Variants in LCORL observed in about 807,000 individuals in gnomAD.
LCORL encodes ligand-dependent nuclear receptor corepressor-like protein.
A neutral mutation model predicts 141.8 loss-of-function variants in LCORL; 41 were observed. The ratio of observed to expected loss-of-function variants is 0.29; its 90% CI spans 0.23 to 0.38. The LOEUF (loss-of-function observed/expected upper bound fraction) is 0.38. LCORL is among the 10% of genes least tolerant of loss of function. LCORL has a pLI of 1.00. For synonymous variants in LCORL, 618 were observed against 694.1 expected, an observed-to-expected ratio of 0.89 and a Z score of 1.72; for missense variants, 1,759 against 2,035.0, an observed-to-expected ratio of 0.86 and a Z score of 2.61.
intron 4 of LCORL, among the ~76,000 whole-genome samples, chr4:17,920,756 C>T (rs1336109214): frequency 6.6e-6 from 1 of 152,208 alleles, no homozygotes; most frequent in African/African-American, 2.4e-5. Flanking sequence ...AGTAAATTCC[C>T]TCTCAGGAAA....
intron 4 of LCORL, among the ~76,000 whole-genome samples, chr4:17,943,886 T>C (rs955950618): frequency 1.3e-5 from 2 of 152,174 alleles, no homozygotes; most frequent in Admixed American, 1.3e-4. Context: ...GCCAGACCCA[T>C]TATATACTTC....
chr4:17,921,274 C>A (rs981378026), intron 4 of LCORL, among the ~76,000 whole-genome samples: 2 of 152,098 alleles, frequency 1.3e-5, no homozygotes, highest in African/African-American at 4.8e-5. Flanking sequence ...GATCTGCCCC[C>A]ACCTTGGCCT....
chr4:18,008,843 A>G (rs936628003), intron 1 of LCORL, among the ~76,000 whole-genome samples: 3 of 152,166 alleles, frequency 2.0e-5, no homozygotes, highest in Admixed American at 6.5e-5. Context: ...TACGTAGACT[A>G]ATGACACTGT....
intron 7 of LCORL, among the ~76,000 whole-genome samples, chr4:17,864,561 T>C (rs73098805): frequency 0.024 from 3,675 of 152,186 alleles, 151 homozygotes; most frequent in African/African-American, 0.083. Flanking sequence ...CACACTGTAT[T>C]GATCCAAAAG....
chr4:17,865,348 T>C (rs919360089), intron 7 of LCORL, among the ~76,000 whole-genome samples: 2 of 152,164 alleles, frequency 1.3e-5, no homozygotes, highest in Non-Finnish European at 2.9e-5. Flanking sequence ...GAAAAATCCC[T>C]AAATATTTGG....
intron 4 of LCORL, among the ~76,000 whole-genome samples, chr4:17,940,612 T>C (rs1434575433): frequency 6.6e-6 from 1 of 151,360 alleles, no homozygotes; most frequent in African/African-American, 2.4e-5. Context: ...AAAAAATAAT[T>C]AAAGATATGA....
intron 1 of LCORL, among the ~76,000 whole-genome samples, chr4:18,013,193 C>T (rs1724078163): frequency 6.6e-6 from 1 of 152,132 alleles, no homozygotes. Context: ...ATACCACTCC[C>T]TCCTGGTTTT....
At chr4:17,852,074 A>T (rs913794358) in intron 7 of LCORL, among the ~76,000 whole-genome samples, 2 of 152,054 alleles carry the variant, frequency 1.3e-5, no homozygotes, top group Non-Finnish European at 2.9e-5. Context: ...TTATTAGTTT[A>T]TATCTCTTAT....
In LCORL at chr4:17,998,964, C is replaced by CAAAAAAAAAA. The variant is rs775544332; in HGVS notation, c.154+22624_154+22633dup. 1.6e-4 allele frequency among the ~76,000 whole-genome samples: 7 copies of CAAAAAAAAAA among 44,820 alleles called. 1 individual carries two copies. The highest frequency in any genetic ancestry group is 6.9e-4 in the African/African-American group (7 of 10,180). 29.4% of individuals were successfully genotyped at this position (44,820 alleles called of 152,430 possible). On this transcript the variant is annotated intron_variant, in intron 1 of 7. Transcript: ENST00000635767. Reference sequence around the variant, plus strand: ...TGGGTGACAGAGTGAGACCCTGTCTCAAAAAAAAAAAAAAAAAAAAAATAT... The same window carrying CAAAAAAAAAA: ...TGGGTGACAGAGTGAGACCCTGTCTCAAAAAAAAAAAAAAAAAAAAAAAAAAAAAAAATAT...
At chr4:17,904,121 T>G (rs1731276756) in intron 5 of LCORL, among the ~76,000 whole-genome samples, 2 of 152,038 alleles carry the variant, frequency 1.3e-5, no homozygotes, top group Admixed American at 6.6e-5. Flanking sequence ...TGTCAAAGAT[T>G]TTTGGTAAAT....
chr4:17,949,621 T>C (rs893088116), intron 4 of LCORL, among the ~76,000 whole-genome samples: 1 of 152,164 alleles, frequency 6.6e-6, no homozygotes, highest in African/African-American at 2.4e-5. Flanking sequence ...GTTATCACTA[T>C]TGTAAAGCCT....
At chr4:17,998,690 G>A (rs997306487) in intron 1 of LCORL, among the ~76,000 whole-genome samples, 7 of 151,736 alleles carry the variant, frequency 4.6e-5, no homozygotes, top group East Asian at 3.9e-4. Context: ...GTACATGTTC[G>A]GACATGGTGT....
intron 4 of LCORL, among the ~76,000 whole-genome samples, chr4:17,917,262 C>T (rs913545377): frequency 1.3e-4 from 19 of 151,958 alleles, no homozygotes; most frequent in African/African-American, 3.9e-4. Flanking sequence ...TGCAATGGCA[C>T]GATCTTGGCT....
chr4:17,931,997 C>G (rs1234269953), intron 4 of LCORL, among the ~76,000 whole-genome samples: 1 of 152,110 alleles, frequency 6.6e-6, no homozygotes, highest in African/African-American at 2.4e-5. Context: ...AATGTTACAT[C>G]CACACACATT....
rs558839369 is a variant in LCORL at position 17,903,202 on chromosome 4, A to G, written c.682+5892T>C. Among the ~76,000 whole-genome samples, 22 of 152,192 alleles carry G rather than the reference A, an allele frequency of 1.4e-4. No individual in the cohort carries two copies. The South Asian group carries it at 4.1e-3, about 29-fold the overall frequency. On this transcript the variant is annotated intron_variant, in intron 5 of 7. Coordinates refer to ENST00000635767, the Ensembl canonical transcript of LCORL. ...CCAAGCAGTGGAGACACAAAAGTGA[A>G]AAAAGACAAGTTTCCTGCTCCCAAA... is the stretch of plus-strand genomic sequence containing the variant.
At chr4:17,931,511 T>A (rs576707833) in intron 4 of LCORL, among the ~76,000 whole-genome samples, 22 of 152,010 alleles carry the variant, frequency 1.4e-4, no homozygotes, top group Non-Finnish European at 3.1e-4. Flanking sequence ...TTATATGTAG[T>A]TTTTTTGTCA....
At chr4:17,909,773 T>C (rs1277265678) in intron 4 of LCORL, among the ~76,000 whole-genome samples, 4 of 152,102 alleles carry the variant, frequency 2.6e-5, no homozygotes, top group Non-Finnish European at 4.4e-5. Flanking sequence ...GTCTAAATTC[T>C]TATAATTCTG....
At chr4:17,848,993 T>G (rs201342446) in intron 7 of LCORL, among the ~76,000 whole-genome samples, 2 of 152,214 alleles carry the variant, frequency 1.3e-5, no homozygotes, top group Non-Finnish European at 2.9e-5. Flanking sequence ...CGCCCACCAT[T>G]GCCCAGGCTT....
chr4:18,000,104 A>C (rs1721675001), intron 1 of LCORL, among the ~76,000 whole-genome samples: 1 of 151,018 alleles, frequency 6.6e-6, no homozygotes, highest in African/African-American at 2.4e-5. Context: ...TTTATTACTC[A>C]ATTTCCATTA....
Sources: gnomAD v4.1 joint callset for allele counts (sites outside exome capture counted in the v4.1 genomes callset) on GRCh38, gnomAD v4.1.1 for gene constraint, MANE v1.5 for transcripts, NCBI Gene and HGNC (gene_info 2026-07-23, HGNC 2026-07-21) for gene names.